TUSC3: variants seen among roughly 807,000 people sequenced by gnomAD.
The protein encoded by TUSC3 is dolichyl-diphosphooligosaccharide--protein glycosyltransferase subunit TUSC3.
A neutral mutation model predicts 44.8 loss-of-function variants in TUSC3; 45 were observed. The observed-to-expected ratio is 1.00, with a 90% confidence interval of 0.79 to 1.29. The LOEUF (loss-of-function observed/expected upper bound fraction) is 1.29. Ranked by LOEUF, TUSC3 falls within the 50% of genes most tolerant of loss-of-function variation. TUSC3 has a pLI of 0.00. For synonymous variants in TUSC3, 212 were observed against 152.9 expected (o/e 1.39, Z -2.85); for missense variants, 519 against 437.9 (o/e 1.19, Z -1.65).
At chr8:15,836,199 G>A in the TUSC3 span, among the ~76,000 whole-genome samples, 1 of 151,598 alleles carries the variant, frequency 6.6e-6, no homozygotes, top group East Asian at 1.9e-4. Flanking sequence ...AACACAGCTG[G>A]GCATGGTAGT....
At chr8:15,465,832 T>G (rs1585055314) in intron 1 of TUSC3, among the ~76,000 whole-genome samples, 2 of 152,188 alleles carry the variant, frequency 1.3e-5, no homozygotes, top group East Asian at 3.9e-4. Flanking sequence ...TTGATTTTTC[T>G]CTCGAGTCTA....
At chr8:15,629,970 A>AT (rs1805687377) in intron 2 of TUSC3, among the ~76,000 whole-genome samples, 1 of 151,944 alleles carries the variant, frequency 6.6e-6, no homozygotes, top group Non-Finnish European at 1.5e-5. Context: ...GTTAATTAAG[A>AT]CTACTCTATA....
At chr8:15,593,457 T>G (rs749694287) in intron 1 of TUSC3, among the ~76,000 whole-genome samples, 2 of 152,198 alleles carry the variant, frequency 1.3e-5, no homozygotes, top group Non-Finnish European at 2.9e-5. Flanking sequence ...TCACCATGAT[T>G]AGAGCATTAT....
At chr8:15,669,785 G>C (rs1341812953) in intron 5 of TUSC3, among the ~76,000 whole-genome samples, 3 of 151,620 alleles carry the variant, frequency 2.0e-5, no homozygotes, top group Non-Finnish European at 4.4e-5. Context: ...AATAATACAA[G>C]ATGCCTGCTC....
intron 3 of TUSC3, among the ~76,000 whole-genome samples, chr8:15,658,277 G>T (rs1807261420): frequency 6.6e-6 from 1 of 151,996 alleles, no homozygotes; most frequent in Non-Finnish European, 1.5e-5. Context: ...ATTTCTTTTG[G>T]GTATTCAGCT....
chr8:15,755,749 TAGA>T (rs1811902185), intron 9 of TUSC3, among the ~76,000 whole-genome samples: 2 of 151,840 alleles, frequency 1.3e-5, no homozygotes, highest in African/African-American at 2.4e-5. Context: ...AAAAAAAAAG[TAGA>T]AGGTGTTATG....
intron 6 of TUSC3, among the ~76,000 whole-genome samples, chr8:15,674,847 C>A (rs987341094): frequency 6.6e-6 from 1 of 151,992 alleles, no homozygotes; most frequent in African/African-American, 2.4e-5. Flanking sequence ...ATTCAAAATT[C>A]AGTTATACAA....
At chr8:15,491,262 T>C (rs1421932615) in intron 2 of TUSC3, among the ~76,000 whole-genome samples, 1 of 152,188 alleles carries the variant, frequency 6.6e-6, no homozygotes, top group South Asian at 2.1e-4. Context: ...ACTGTCCCTG[T>C]GAAATTTGAT....
chr8:15,834,740 A>G, the TUSC3 span, among the ~76,000 whole-genome samples: 1 of 152,122 alleles, frequency 6.6e-6, no homozygotes, highest in Non-Finnish European at 1.5e-5. Context: ...TAATTTATTT[A>G]TACAACCTAC....
At chr8:15,663,077 G>A (rs1807497574) in intron 5 of TUSC3, among the ~76,000 whole-genome samples, 2 of 151,742 alleles carry the variant, frequency 1.3e-5, no homozygotes, top group South Asian at 2.1e-4. Context: ...GCCAATAGCC[G>A]AAACTCATTA....
intron 1 of TUSC3, among the ~76,000 whole-genome samples, chr8:15,423,590 A>T (rs1292110608): frequency 1.3e-5 from 2 of 152,048 alleles, no homozygotes; most frequent in Non-Finnish European, 2.9e-5. Context: ...TTCTTACTCG[A>T]TTTTTCTAGT....
chr8:15,485,223 A>G lies in TUSC3; in HGVS notation n.189+1740A>G, dbSNP rs567768394. Among the ~76,000 whole-genome samples, 3 of 152,316 alleles carry G rather than the reference A, an allele frequency of 2.0e-5. No individual in the cohort carries two copies. The East Asian group carries it at 5.8e-4, about 29-fold the overall frequency. ...ACCAAGTTCCTCTGGCTGCACTTCT[A>G]GTTTTTCAGACATCGGCAGTGCAGC... On this transcript the variant is annotated intron_variant and non_coding_transcript_variant, in intron 2 of 5. Coordinates refer to the TUSC3 transcript ENST00000503191.
At chr8:15,463,548 G>C (rs1800375762) in intron 1 of TUSC3, among the ~76,000 whole-genome samples, 1 of 152,106 alleles carries the variant, frequency 6.6e-6, no homozygotes, top group South Asian at 2.1e-4. Flanking sequence ...ATGAATACCT[G>C]AGTGGCAGGA....
chr8:15,659,604 C>T lies in TUSC3; in HGVS notation c.524C>T (p.Ala175Val). 6.2e-7 allele frequency: 1 copy of T among 1,613,422 alleles called. No individual in the cohort carries two copies. Among genetic ancestry groups the T allele is most frequent in the Non-Finnish European group, 8.5e-7 (1 of 1,179,688 alleles). ...GACCTCCAAAGAATTGGATTTGCAG[C>T]TGAGCAACTAGCAAAGTGGATTGCT... Reference protein sequence around the residue: ...TFDLQRIGFAAEQLAKWIADR... With the variant: ...TFDLQRIGFAVEQLAKWIADR... The change falls in exon 4 of 11, where the codon GCT becomes GTT. Residue 175 changes from alanine to valine, a missense_variant. Physicochemically the swap from Ala to Val is moderately conservative, Grantham distance 64 (BLOSUM62 0). Transcript: ENST00000503731.
the TUSC3 span, among the ~76,000 whole-genome samples, chr8:15,785,525 A>C: frequency 1.3e-5 from 2 of 151,168 alleles, no homozygotes; most frequent in Non-Finnish European, 2.9e-5. Context: ...TTTGGAAAAC[A>C]GCCCTCTGAG....
chr8:15,741,050 A>G (rs1811172625), intron 7 of TUSC3, among the ~76,000 whole-genome samples: 1 of 152,218 alleles, frequency 6.6e-6, no homozygotes, highest in Admixed American at 6.5e-5. Flanking sequence ...ATGAAGATAC[A>G]TTTATAGGGA....
At chr8:15,767,731 T>C (rs2129226764), downstream of TUSC3, among the ~76,000 whole-genome samples, 1 of 152,248 alleles carries the variant, frequency 6.6e-6, no homozygotes, top group African/African-American at 2.4e-5. Flanking sequence ...TGCCTTCGGT[T>C]GACGTAACTC....
At chr8:15,445,633 G>A (rs920872409) in intron 1 of TUSC3, among the ~76,000 whole-genome samples, 2 of 152,092 alleles carry the variant, frequency 1.3e-5, no homozygotes, top group African/African-American at 4.8e-5. Flanking sequence ...CTGGGTTGGG[G>A]GTAAGGTTAT....
intron 1 of TUSC3, among the ~76,000 whole-genome samples, chr8:15,611,579 C>A (rs146287888): frequency 3.9e-5 from 6 of 152,172 alleles, no homozygotes; most frequent in African/African-American, 1.2e-4. Flanking sequence ...GAGTTCTTAA[C>A]TGATTAACCT....
Sources: allele counts gnomAD v4.1 joint callset (sites outside exome capture counted in the v4.1 genomes callset), GRCh38; gene constraint gnomAD v4.1.1; transcripts MANE v1.5; gene names NCBI Gene and HGNC (gene_info 2026-07-23, HGNC 2026-07-21).